Variants in UNC13B observed in about 807,000 individuals in gnomAD.
UNC13B encodes protein unc-13 homolog B.
A neutral mutation model predicts 211.0 loss-of-function variants in UNC13B; 144 were observed. That is an observed-to-expected ratio of 0.68 (90% CI 0.60 to 0.78). The LOEUF is 0.78. Ranked by LOEUF, UNC13B falls within the 30% of genes least tolerant of loss-of-function variation. The pLI is 0.00. For missense variants in UNC13B, 1,777 were observed against 2,002.0 expected (o/e 0.89, Z 2.14); for synonymous variants, 709 against 725.8 (o/e 0.98, Z 0.37).
In UNC13B at chr9:35,304,364, CA is replaced by C. The variant is rs1829826727; in HGVS notation, c.4964del (p.Lys1655SerfsTer23). On this transcript the variant is annotated frameshift_variant, in exon 9 of 40. Transcript: ENST00000635942. LOFTEE classifies it high-confidence loss of function. ...ACTAGATTTTTCAGGCTATAATCGT[CA>C]AAAGTTTAAAGGAGACTTTAGATCT... is the stretch of plus-strand genomic sequence containing the variant. ...QPLDFSGYNRQKFKGDFRSFK... is the reference protein window; with the variant it reads ...QPLDFSGYNRXKFKGDFRSFK... 1 of 398,424 alleles carries C rather than the reference CA, an allele frequency of 2.5e-6. No homozygotes were observed. The highest frequency in any genetic ancestry group is 4.4e-6 in the Non-Finnish European group (1 of 225,856). The allele number at this position is 398,424 out of a possible 1,614,324, so 24.7% of individuals were successfully genotyped here. A position where few individuals can be genotyped will look rare whatever the true frequency, so the allele number is the denominator to read the frequency against.
intron 1 of UNC13B, among the ~76,000 whole-genome samples, chr9:35,173,419 A>G (rs916965575): frequency 6.6e-6 from 1 of 150,530 alleles, no homozygotes; most frequent in Non-Finnish European, 1.5e-5. Flanking sequence ...AATCTTCATA[A>G]TCTATCTTTT....
At position 35,307,735 on chromosome 9, in the gene UNC13B, A is replaced by G. The variant is rs1017077682; in HGVS notation, c.8331A>G (p.Pro2777=). ...NVTTWPKLRL[P]SSATNHGKPL... is the part of the protein sequence containing the mutation. ...CCACTTGGCCAAAGCTTCGTTTGCC[A>G]TCCTCTGCTACTAACCATGGGAAAC... The change falls in exon 9 of 40, where the codon CCA becomes CCG. Residue 2777 remains proline (P), a synonymous_variant. Transcript: ENST00000635942. 2.5e-6 allele frequency: 1 copy of G among 398,924 alleles called. No individual in the cohort carries two copies. The highest frequency in any genetic ancestry group is 4.4e-6 in the Non-Finnish European group (1 of 226,102). The allele number at this position is 398,924 out of a possible 1,614,324, so 24.7% of individuals were successfully genotyped here.
At chr9:35,238,800 C>T (rs757238995) in intron 5 of UNC13B, among the ~76,000 whole-genome samples, 22 of 152,134 alleles carry the variant, frequency 1.4e-4, no homozygotes, top group South Asian at 6.2e-4. Flanking sequence ...TCAAACGATC[C>T]GCCCACCTCT....
intron 1 of UNC13B, among the ~76,000 whole-genome samples, chr9:35,209,832 A>C (rs575971095): frequency 1.3e-5 from 2 of 152,218 alleles, no homozygotes; most frequent in African/African-American, 2.4e-5. Context: ...TTATTCCCAG[A>C]CTGACATTTG....
At position 35,403,980 on chromosome 9, in the gene UNC13B, C is replaced by T. The variant is rs1836520176; in HGVS notation, c.12970C>T (p.Arg4324Ter). The T allele has an allele frequency of 1.2e-6, 2 of 1,613,860 alleles. No homozygotes were observed. The highest frequency in any genetic ancestry group is 1.3e-5 in the African/African-American group (1 of 74,840). ...LSQRSNDEVA[R>*]EFVKLKSESR... Reference sequence around the variant, plus strand: ...TCAGAGGAGCAATGACGAGGTGGCCCGAGAATTTGTGAAACTCAAATCAGA... The same window carrying T: ...TCAGAGGAGCAATGACGAGGTGGCCTGAGAATTTGTGAAACTCAAATCAGA... The change falls in exon 40 of 40, where the codon CGA becomes TGA. Residue 4324 changes from arginine (R) to a stop codon, truncating the protein, a stop_gained. Transcript: ENST00000635942. LOFTEE classifies it high-confidence loss of function.
intron 11 of UNC13B, among the ~76,000 whole-genome samples, chr9:35,320,525 A>T (rs1216947691): frequency 6.6e-6 from 1 of 152,302 alleles, no homozygotes; most frequent in South Asian, 2.1e-4. Context: ...TTTAGGTGAA[A>T]TGCTTCCAAC....
chr9:35,248,078 C>T (rs765154042), intron 6 of UNC13B, among the ~76,000 whole-genome samples: 3 of 152,192 alleles, frequency 2.0e-5, no homozygotes, highest in African/African-American at 4.8e-5. Context: ...CTGGTTCATT[C>T]TTGGAATGGT....
intron 1 of UNC13B, among the ~76,000 whole-genome samples, chr9:35,208,657 A>G (rs1193241412): frequency 6.6e-6 from 1 of 152,180 alleles, no homozygotes; most frequent in East Asian, 1.9e-4. Flanking sequence ...ACCAGATTTC[A>G]TAACTCCTCA....
At chr9:35,237,862 C>T (rs1281242209) in intron 5 of UNC13B, 36 bp downstream of exon 5, 2 of 1,576,688 alleles carry the variant, frequency 1.3e-6, no homozygotes, top group East Asian at 2.3e-5. Flanking sequence ...ATAATTTTTA[C>T]CATATTGTTT....
intron 5 of UNC13B, among the ~76,000 whole-genome samples, chr9:35,239,040 G>A (rs190663095): frequency 2.2e-3 from 340 of 151,248 alleles, no homozygotes; most frequent in Non-Finnish European, 3.8e-3. Context: ...TACTTTTTAT[G>A]GAATCTACTA....
intron 11 of UNC13B, among the ~76,000 whole-genome samples, chr9:35,332,647 A>G (rs12001076): frequency 2.6e-3 from 401 of 152,248 alleles, no homozygotes; most frequent in African/African-American, 9.3e-3. Flanking sequence ...TTATTTTCTT[A>G]GAAGCCATTT....
At chr9:35,181,862 T>TA (rs1821958254) in intron 1 of UNC13B, among the ~76,000 whole-genome samples, 1 of 152,024 alleles carries the variant, frequency 6.6e-6, no homozygotes, top group African/African-American at 2.4e-5. Context: ...ACATAAAAAA[T>TA]AAAAATTAAG....
At chr9:35,333,432 A>C (rs1831478048) in intron 11 of UNC13B, among the ~76,000 whole-genome samples, 2 of 152,224 alleles carry the variant, frequency 1.3e-5, no homozygotes, top group African/African-American at 4.8e-5. Flanking sequence ...TCATCTCTGA[A>C]TATCATAGTT....
chr9:35,302,149 C>G lies in UNC13B; in HGVS notation c.2745C>G (p.Ser915Arg), dbSNP rs1295543056. ...RGSAVTTDEE[S>R]KKNCHEDTKH... is the part of the protein sequence containing the mutation. ...CAGCAGTAACCACTGATGAGGAGAG[C>G]AAAAAAAATTGCCATGAAGATACCA... is the stretch of plus-strand genomic sequence containing the variant. The change falls in exon 9 of 40, where the codon AGC becomes AGG. Residue 915 changes from serine (S) to arginine (R), a missense_variant. Transcript: ENST00000635942. 2.5e-6 allele frequency: 1 copy of G among 397,838 alleles called. No individual in the cohort carries two copies. Among genetic ancestry groups the G allele is most frequent in the South Asian group, 1.3e-4 (1 of 7,838 alleles). 24.6% of individuals were successfully genotyped at this position (397,838 alleles called of 1,614,324 possible). A position where few individuals can be genotyped will look rare whatever the true frequency, so the allele number is the denominator to read the frequency against.
chr9:35,385,726 T>C lies in UNC13B; in HGVS notation c.10878T>C (p.Asn3626=). ...SLRIDLSTYR[N]NFPAGSPERL... ...TACATTTGCTTGATTTGCAACAGAA[T>C]AATTTCCCTGCTGGGAGTCCTGAAC... Residue 3626 remains asparagine (N), a splice_region_variant and synonymous_variant, in exon 23 of 40, where the codon AAT becomes AAC. Coordinates refer to ENST00000635942, the MANE Select transcript of UNC13B (RefSeq NM_001371189.2). 1.2e-6 allele frequency: 2 copies of C among 1,600,328 alleles called. No homozygotes were observed. The highest frequency in any genetic ancestry group is 2.2e-5 in the South Asian group (2 of 90,396).
chr9:35,316,562 G>T (rs564710733), intron 11 of UNC13B, among the ~76,000 whole-genome samples: 1 of 152,092 alleles, frequency 6.6e-6, no homozygotes, highest in South Asian at 2.1e-4. Flanking sequence ...ACTCATAATT[G>T]CATGCTCTAA....
In UNC13B at chr9:35,358,690, A is replaced by ATT. The variant is rs918370577; in HGVS notation, c.9415-8237_9415-8236dup. On this transcript the variant is annotated intron_variant, in intron 11 of 39. Coordinates refer to ENST00000635942, the MANE Select transcript of UNC13B (RefSeq NM_001371189.2). Reference sequence around the variant, plus strand: ...TTTTACTCCTATATTTAGGTCTATGATTTTTTTTTTTTTTTTTTTTTGAGA... The same window carrying ATT: ...TTTTACTCCTATATTTAGGTCTATGATTTTTTTTTTTTTTTTTTTTTTTGAGA... Among the ~76,000 whole-genome samples, 537 of 108,654 alleles carry ATT rather than the reference A, an allele frequency of 4.9e-3. 7 individuals carry two copies. The highest frequency in any genetic ancestry group is 0.015 in the African/African-American group (399 of 25,850). 71.3% of individuals were successfully genotyped at this position (108,654 alleles called of 152,430 possible).
rs1274919835 is a variant in UNC13B, at chr9:35,399,633, T to A, written c.12256-16T>A. Reference sequence around the variant, plus strand: ...CTGCTGTGAGCTGTCCTGATGCTGCTGATTTCTCTGAACAGGATCACATGG... The same window carrying A: ...CTGCTGTGAGCTGTCCTGATGCTGCAGATTTCTCTGAACAGGATCACATGG... On this transcript the variant is annotated splice_polypyrimidine_tract_variant and intron_variant, in intron 35 of 39. Transcript: ENST00000635942. 1.2e-6 allele frequency: 2 copies of A among 1,613,990 alleles called. No homozygotes were observed. The highest frequency in any genetic ancestry group is 1.7e-5 in the Admixed American group (1 of 59,998).
intron 26 of UNC13B, among the ~76,000 whole-genome samples, chr9:35,394,412 A>G (rs753667954): frequency 6.6e-6 from 1 of 152,240 alleles, no homozygotes; most frequent in Non-Finnish European, 1.5e-5. Context: ...CCTGGCCAAC[A>G]TGGTGAAACC....
Sources: gnomAD v4.1 joint callset for allele counts (sites outside exome capture counted in the v4.1 genomes callset) on GRCh38, gnomAD v4.1.1 for gene constraint, MANE v1.5 for transcripts, NCBI Gene and HGNC (gene_info 2026-07-23, HGNC 2026-07-21) for gene names.